Variants in MGAM2 observed in about 807,000 individuals in gnomAD.
The protein encoded by MGAM2 is maltase-glucoamylase 2 (putative), also known as probable maltase-glucoamylase 2.
Under a neutral mutation model 96.1 loss-of-function variants are expected in MGAM2, and 98 were observed. That is an observed-to-expected ratio of 1.02 (90% CI 0.87 to 1.21). The LOEUF is 1.21. MGAM2 is among the 50% of genes most tolerant of loss of function. MGAM2 has a pLI of 0.00. For missense variants in MGAM2, 2,055 were observed against 1,182.4 expected (o/e 1.74, Z -10.82); for synonymous variants, 749 against 414.8 (o/e 1.81, Z -9.79).
At position 142,203,831 on chromosome 7, in the gene MGAM2, TA is replaced by T. The variant is rs138067579; in HGVS notation, c.5137+3870del. Among the ~76,000 whole-genome samples the T allele has an allele frequency of 9.9e-3, 1,504 of 152,174 alleles. 86 individuals are homozygous for T. The East Asian group carries it at 0.17, about 17-fold the overall frequency. On this transcript the variant is annotated intron_variant, in intron 45 of 47. Transcript: ENST00000477922. ...AACTGAACCCTTACCTTTCACTGTA[TA>T]AAAAAATTAACTCGAGATGGATTGA...
chr7:142,211,209 G>A (rs1160490096), intron 46 of MGAM2, among the ~76,000 whole-genome samples: 2 of 152,270 alleles, frequency 1.3e-5, no homozygotes, highest in Non-Finnish European at 2.9e-5. Context: ...AAGACCAAAG[G>A]TAGATAAATC....
chr7:142,170,370 G>T (rs1563273229), intron 27 of MGAM2, 141 bp downstream of exon 27: 3 of 483,834 alleles, frequency 6.2e-6, no homozygotes, highest in South Asian at 3.9e-5. Context: ...TTTTTCCCAT[G>T]CTTTAATGGA....
At chr7:142,185,002 G>T in intron 33 of MGAM2, 75 bp from the exon 34 acceptor site, 1 of 674,108 alleles carries the variant, frequency 1.5e-6, no homozygotes, top group Middle Eastern at 2.3e-4. Flanking sequence ...TGTCATCAGA[G>T]TCTAACACAT....
chr7:142,125,252 T>C (rs1480863069), intron 3 of MGAM2, among the ~76,000 whole-genome samples: 3 of 152,216 alleles, frequency 2.0e-5, no homozygotes, highest in Non-Finnish European at 4.4e-5. Flanking sequence ...TTTACAGATT[T>C]TCAGCATCTA....
intron 3 of MGAM2, among the ~76,000 whole-genome samples, chr7:142,122,783 A>G (rs73158428): frequency 0.037 from 5,572 of 152,274 alleles, 120 homozygotes; most frequent in Middle Eastern, 0.099. Flanking sequence ...TGTCCACTTC[A>G]TCCATATTTT....
rs777876540 is a variant in MGAM2 at position 142,161,225 on chromosome 7, C to G, written c.2434+12C>G. On this transcript the variant is annotated intron_variant, in intron 22 of 47. Transcript: ENST00000477922. The stretch of plus-strand genomic sequence containing the variant: ...CGGTGTATCTAAAGGTAGACTTTCT[C>G]AAGGCACCATCCCTGTGGATCACTG... 17 of 701,886 alleles carry G rather than the reference C, an allele frequency of 2.4e-5. No individual in the cohort carries two copies. The highest frequency in any genetic ancestry group is 8.9e-5 in the South Asian group (6 of 67,516). 43.5% of individuals were successfully genotyped at this position (701,886 alleles called of 1,614,324 possible).
At chr7:142,133,244 T>A (rs1430795249) in intron 6 of MGAM2, among the ~76,000 whole-genome samples, 1 of 143,782 alleles carries the variant, frequency 7.0e-6, no homozygotes, top group South Asian at 2.1e-4. Context: ...AATTTTTTAA[T>A]ATAAAATATT....
intron 46 of MGAM2, among the ~76,000 whole-genome samples, chr7:142,215,385 C>T (rs891520829): frequency 2.0e-5 from 3 of 151,758 alleles, no homozygotes; most frequent in Non-Finnish European, 4.4e-5. Flanking sequence ...TGCAGCAAAC[C>T]ACCATGGCAC....
chr7:142,129,774 G>A (rs1354048854), intron 3 of MGAM2, among the ~76,000 whole-genome samples: 1 of 121,700 alleles, frequency 8.2e-6, no homozygotes, highest in Non-Finnish European at 1.6e-5. Flanking sequence ...ACAGTGAGCC[G>A]AGACTGCACC....
Position 142,167,326 on chromosome 7 carries a change from C to A in MGAM2, c.2867C>A (p.Ala956Asp). 1 of 702,862 alleles carries A rather than the reference C, an allele frequency of 1.4e-6. No individual in the cohort carries two copies. The highest frequency in any genetic ancestry group is 2.6e-6 in the Non-Finnish European group (1 of 384,938). The allele number at this position is 702,862 out of a possible 1,614,324, so 43.5% of individuals were successfully genotyped here. Residue 956 changes from alanine to aspartate, a missense_variant, in exon 26 of 48, where the codon GCT becomes GAT. Coordinates refer to ENST00000477922, the MANE Select transcript of MGAM2 (RefSeq NM_001293626.2). ...CYYDTIPNYV[A>D]SDIQYLNTSI... ...TATGACACCATCCCTAATTATGTTG[C>A]TAGTGATATTCAGTACCTGAACACC...
intron 46 of MGAM2, among the ~76,000 whole-genome samples, chr7:142,216,864 A>G (rs1474208402): frequency 6.6e-6 from 1 of 151,986 alleles, no homozygotes; most frequent in African/African-American, 2.4e-5. Context: ...TGCTACAACT[A>G]TCTCCTTGAT....
chr7:142,134,582 T>C (rs1393743370), intron 7 of MGAM2, among the ~76,000 whole-genome samples: 1 of 152,122 alleles, frequency 6.6e-6, no homozygotes, highest in African/African-American at 2.4e-5. Context: ...TGAAAGTGTG[T>C]TTCAGAAACG....
Position 142,131,628 on chromosome 7 carries a change from G to C in MGAM2, c.420+1G>C. 1.4e-6 allele frequency: 1 copy of C among 703,110 alleles called. No homozygotes were observed. Among genetic ancestry groups the C allele is most frequent in the Non-Finnish European group, 2.6e-6 (1 of 384,984 alleles). The allele number at this position is 703,110 out of a possible 1,614,324, so 43.6% of individuals were successfully genotyped here. A position where few individuals can be genotyped will look rare whatever the true frequency, so the allele number is the denominator to read the frequency against. On this transcript the variant is annotated splice_donor_variant, in intron 5 of 47. Coordinates refer to ENST00000477922, the MANE Select transcript of MGAM2 (RefSeq NM_001293626.2). LOFTEE classifies it high-confidence loss of function. The stretch of plus-strand genomic sequence containing the variant: ...GACATCCAATCGGTTTCATTTTAAG[G>C]TTGGTTTGGGAGTGACTGCTAAATA...
intron 17 of MGAM2, among the ~76,000 whole-genome samples, chr7:142,155,800 G>C (rs1476507160): frequency 6.6e-6 from 1 of 152,156 alleles, no homozygotes; most frequent in Non-Finnish European, 1.5e-5. Flanking sequence ...GATTAAACTA[G>C]CTCTATTCAA....
chr7:142,174,456 G>C (rs1433667481), intron 31 of MGAM2, among the ~76,000 whole-genome samples: 1 of 152,002 alleles, frequency 6.6e-6, no homozygotes, highest in African/African-American at 2.4e-5. Context: ...TTCATTTGTG[G>C]TTTGGCTCTA....
chr7:142,169,196 C>T (rs189684069), intron 26 of MGAM2, among the ~76,000 whole-genome samples: 26 of 152,026 alleles, frequency 1.7e-4, no homozygotes, highest in African/African-American at 4.8e-4. Context: ...TATGGGAGGC[C>T]GAGGCAGGTG....
intron 27 of MGAM2, among the ~76,000 whole-genome samples, chr7:142,170,470 A>G (rs919494942): frequency 6.6e-6 from 1 of 152,226 alleles, no homozygotes; most frequent in African/African-American, 2.4e-5. Context: ...AGAAAAATAC[A>G]TGTTCTACTT....
At chr7:142,217,692 T>C (rs577786432) in intron 46 of MGAM2, among the ~76,000 whole-genome samples, 1 of 152,284 alleles carries the variant, frequency 6.6e-6, no homozygotes, top group African/African-American at 2.4e-5. Flanking sequence ...AGTGAGTTCT[T>C]GTGTTTGCTA....
intron 3 of MGAM2, among the ~76,000 whole-genome samples, chr7:142,128,650 A>G (rs1040827901): frequency 2.6e-5 from 4 of 152,166 alleles, no homozygotes. Flanking sequence ...ATGGCTTCAG[A>G]GTGTATAAGC....
Sources: allele counts gnomAD v4.1 joint callset (sites outside exome capture counted in the v4.1 genomes callset), GRCh38; gene constraint gnomAD v4.1.1; transcripts MANE v1.5; gene names NCBI Gene and HGNC (gene_info 2026-07-23, HGNC 2026-07-21).